USP24: variants seen among roughly 807,000 people sequenced by gnomAD.
The protein encoded by USP24 is ubiquitin specific peptidase 24.
A neutral mutation model predicts 361.6 loss-of-function variants in USP24; 97 were observed. The ratio of observed to expected loss-of-function variants is 0.27; its 90% confidence interval spans 0.23 to 0.32. The LOEUF (loss-of-function observed/expected upper bound fraction) is 0.32. Ranked by LOEUF, USP24 falls within the 10% of genes least tolerant of loss-of-function variation. USP24 has a pLI of 1.00. For missense variants in USP24, 2,353 were observed against 3,165.6 expected, an observed-to-expected ratio of 0.74 and a Z score of 6.16; for synonymous variants, 1,098 against 1,124.6, an observed-to-expected ratio of 0.98 and a Z score of 0.47.
At chr1:55,100,082 G>C (rs1645593476) in intron 44 of USP24, among the ~76,000 whole-genome samples, 1 of 152,184 alleles carries the variant, frequency 6.6e-6, no homozygotes, top group African/African-American at 2.4e-5. Context: ...AATCAAAAGT[G>C]GGTACTGGGT....
intron 16 of USP24, 23 bp from the exon 17 acceptor site, chr1:55,148,593 T>A: frequency 1.3e-6 from 2 of 1,485,828 alleles, no homozygotes; most frequent in Non-Finnish European, 1.8e-6. Flanking sequence ...AGAAGTTACA[T>A]TAATTAAATT....
chr1:55,119,078 C>T lies in USP24; in HGVS notation c.4508+1518G>A, dbSNP rs114577473. ...AGCAATTCCACTTCTGGGTATACAC[C>T]CTAAAGAACTGAAAACAGGGATTCA... On this transcript the variant is annotated intron_variant, in intron 38 of 67. Coordinates refer to ENST00000294383, the MANE Select transcript of USP24 (RefSeq NM_015306.3). Among the ~76,000 whole-genome samples, 1,064 of 152,064 alleles carry T rather than the reference C, an allele frequency of 7.0e-3. 13 individuals carry two copies. The highest frequency in any genetic ancestry group is 0.024 in the African/African-American group (1,009 of 41,456).
chr1:55,207,548 C>T (rs951651547), intron 1 of USP24, among the ~76,000 whole-genome samples: 6 of 152,068 alleles, frequency 3.9e-5, no homozygotes, highest in Non-Finnish European at 5.9e-5. Context: ...AAGAATACAA[C>T]AATAAAAAAT....
chr1:55,073,510 C>T (rs933868842), intron 64 of USP24, among the ~76,000 whole-genome samples: 1 of 152,180 alleles, frequency 6.6e-6, no homozygotes, highest in African/African-American at 2.4e-5. Flanking sequence ...AGCTGGGTTA[C>T]ATTAATGAGA....
At chr1:55,182,857 A>G (rs1392201066) in intron 1 of USP24, among the ~76,000 whole-genome samples, 1 of 152,058 alleles carries the variant, frequency 6.6e-6, no homozygotes, top group African/African-American at 2.4e-5. Context: ...TGGGACTACA[A>G]GCGCATACCA....
At chr1:55,123,401 G>C (rs1243416721) in intron 36 of USP24, 46 bp downstream of exon 36, 4 of 1,463,304 alleles carry the variant, frequency 2.7e-6, no homozygotes, top group African/African-American at 1.4e-5. Flanking sequence ...ACAGAAACTT[G>C]GCCTTTCCCT....
intron 1 of USP24, among the ~76,000 whole-genome samples, chr1:55,179,991 TA>T (rs903977796): frequency 1.3e-5 from 2 of 152,338 alleles, no homozygotes; most frequent in Admixed American, 6.5e-5. Flanking sequence ...AAATCATGTT[TA>T]AAATATTTTA....
chr1:55,122,544 A>G (rs940867264), intron 36 of USP24, among the ~76,000 whole-genome samples: 2 of 152,198 alleles, frequency 1.3e-5, no homozygotes, highest in African/African-American at 4.8e-5. Flanking sequence ...AGTAGAGAAT[A>G]AACTGCAAGG....
chr1:55,124,659 A>G (rs1334184110), intron 34 of USP24, 31 bp from the exon 35 acceptor site: 1 of 1,610,940 alleles, frequency 6.2e-7, no homozygotes, highest in Non-Finnish European at 8.5e-7. Context: ...TATGAGAAAG[A>G]GCAATACTTG....
At chr1:55,184,523 G>A (rs1031397535) in intron 1 of USP24, among the ~76,000 whole-genome samples, 1 of 152,142 alleles carries the variant, frequency 6.6e-6, no homozygotes, top group Non-Finnish European at 1.5e-5. Context: ...CAATACCTCA[G>A]AATTAGGCAA....
At chr1:55,090,918 C>T (rs1200997099) in intron 54 of USP24, among the ~76,000 whole-genome samples, 2 of 152,182 alleles carry the variant, frequency 1.3e-5, no homozygotes, top group Non-Finnish European at 2.9e-5. Flanking sequence ...AACCCCGTCT[C>T]TACTAAAAAT....
At position 55,214,913 on chromosome 1, in the gene USP24, G is replaced by A; in HGVS notation, c.201C>T (p.Gly67=). 3.1e-6 allele frequency: 4 copies of A among 1,293,040 alleles called. No individual in the cohort carries two copies. Among genetic ancestry groups the A allele is most frequent in the Admixed American group, 3.3e-5 (1 of 30,512 alleles). 80.1% of individuals were successfully genotyped at this position (1,293,040 alleles called of 1,614,324 possible). ...CTCCGCCGTCGCCCCGCGGGCCCCCGCCGGGCCCGGGGCTGGGGCCACCGC... is the reference window on the plus strand; with the variant it reads ...CTCCGCCGTCGCCCCGCGGGCCCCCACCGGGCCCGGGGCTGGGGCCACCGC... The part of the protein sequence containing the change: ...DSGGGPSPGP[G]GGPRGDGGGD... Residue 67 remains glycine, a synonymous_variant, in exon 1 of 68, where the codon GGC becomes GGT. Transcript: ENST00000294383.
At chr1:55,164,024 T>C (rs1018093216) in intron 7 of USP24, among the ~76,000 whole-genome samples, 1 of 152,126 alleles carries the variant, frequency 6.6e-6, no homozygotes, top group Middle Eastern at 3.4e-3. Flanking sequence ...GACATATTTA[T>C]AAGGAACACT....
intron 32 of USP24, among the ~76,000 whole-genome samples, chr1:55,126,242 G>C (rs1332549194): frequency 6.6e-6 from 1 of 152,182 alleles, no homozygotes; most frequent in Non-Finnish European, 1.5e-5. Flanking sequence ...GCCTCTGCCG[G>C]CACCAGGCAG....
chr1:55,118,636 C>G (rs1646189916), intron 38 of USP24, among the ~76,000 whole-genome samples: 1 of 152,146 alleles, frequency 6.6e-6, no homozygotes. Context: ...AGACAACCCA[C>G]AGATTGGGAG....
At position 55,071,818 on chromosome 1, in the gene USP24, T is replaced by C; in HGVS notation, c.7796A>G (p.Gln2599Arg). ...AGGACATGCTGACCGTTATACCTGC[T>C]GTAGATGCCTGTCTCCGTTCTCATT... ...PANENGDRHL[Q>R]QGSESPMMIG... The change falls in exon 67 of 68, where the codon CAG becomes CGG. Residue 2599 changes from glutamine to arginine, a missense_variant. Transcript: ENST00000294383. 6.2e-7 allele frequency: 1 copy of C among 1,612,014 alleles called. No homozygotes were observed. The highest frequency in any genetic ancestry group is 8.5e-7 in the Non-Finnish European group (1 of 1,179,110).
chr1:55,145,030 T>A (rs1458067160), intron 20 of USP24, among the ~76,000 whole-genome samples: 2 of 152,212 alleles, frequency 1.3e-5, no homozygotes, highest in African/African-American at 4.8e-5. Flanking sequence ...TAACAAGTAT[T>A]GTTGAGGATG....
chr1:55,200,504 T>C (rs1240595031), intron 1 of USP24, among the ~76,000 whole-genome samples: 2 of 152,180 alleles, frequency 1.3e-5, no homozygotes, highest in African/African-American at 2.4e-5. Flanking sequence ...TACTGTTTCT[T>C]TCCTCCTCCT....
intron 1 of USP24, 135 bp downstream of exon 1, chr1:55,214,655 C>G (rs1401756632): frequency 1.3e-6 from 1 of 790,676 alleles, no homozygotes; most frequent in African/African-American, 1.9e-5. Flanking sequence ...GCTTCTCTCT[C>G]TCTCTCCGCC....
Sources: allele counts gnomAD v4.1 joint callset (sites outside exome capture counted in the v4.1 genomes callset), GRCh38; gene constraint gnomAD v4.1.1; transcripts MANE v1.5; gene names NCBI Gene and HGNC (gene_info 2026-07-23, HGNC 2026-07-21).